Variants in WASHC5 observed in about 807,000 individuals in gnomAD.
WASHC5 encodes WASH complex subunit strumpellin.
WASHC5 carries 101 observed loss-of-function variants against 150.4 expected under a neutral mutation model. That is an observed-to-expected ratio of 0.67 (90% CI 0.57 to 0.79). The LOEUF is 0.79. Among genes scored for constraint, WASHC5 ranks in the 30% least tolerant of loss-of-function variants. The probability of loss-of-function intolerance (pLI) is 0.00; values close to 1 mark genes in which losing one functional copy is unlikely to be tolerated. For missense variants in WASHC5, 1,195 were observed against 1,396.3 expected (o/e 0.86, Z 2.30); for synonymous variants, 467 against 491.2 (o/e 0.95, Z 0.65).
chr8:125,083,326 C>T (rs1394730192), intron 2 of WASHC5, 68 bp from the exon 3 acceptor site: 1 of 1,475,218 alleles, frequency 6.8e-7, no homozygotes, highest in Non-Finnish European at 9.4e-7. Context: ...TCTAAATAGT[C>T]TTTTAAAAAT....
At chr8:125,037,491 T>C (rs1006315926) in intron 25 of WASHC5, among the ~76,000 whole-genome samples, 158 bp from the exon 26 acceptor site, 7 of 152,240 alleles carry the variant, frequency 4.6e-5, no homozygotes, top group Admixed American at 4.6e-4. Context: ...CAGAGTTTTA[T>C]TTAACACACC....
intron 6 of WASHC5, among the ~76,000 whole-genome samples, chr8:125,077,674 G>A (rs749867645): frequency 2.0e-5 from 3 of 152,188 alleles, no homozygotes; most frequent in Non-Finnish European, 2.9e-5. Context: ...CTGCTACTTA[G>A]TAACAGGAAT....
chr8:125,046,383 G>A (rs1444406668), intron 20 of WASHC5, among the ~76,000 whole-genome samples: 1 of 152,178 alleles, frequency 6.6e-6, no homozygotes, highest in Non-Finnish European at 1.5e-5. Flanking sequence ...ATTCTCAGGA[G>A]CAGTTTTAAT....
At chr8:125,086,075 G>A (rs1027256692) in intron 1 of WASHC5, among the ~76,000 whole-genome samples, 1 of 152,132 alleles carries the variant, frequency 6.6e-6, no homozygotes, top group Non-Finnish European at 1.5e-5. Flanking sequence ...GTGAAGGGCT[G>A]AACCTTATTT....
At chr8:125,043,785 A>C in intron 23 of WASHC5, 40 bp downstream of exon 23, 1 of 1,395,054 alleles carries the variant, frequency 7.2e-7, no homozygotes. Flanking sequence ...AAATTTAAAA[A>C]TGTAAGTATT....
rs912903114 is a variant in WASHC5, at chr8:125,037,313, G to A, written c.3105C>T (p.Arg1035=). The change falls in exon 26 of 29, where the codon CGC becomes CGT. Residue 1035 remains arginine (R), a synonymous_variant. Coordinates refer to ENST00000318410, the MANE Select transcript of WASHC5 (RefSeq NM_014846.4). ...PLNKIYITTK[R]LPYFPIVNFL... ...AGTTTACAATTGGAAAATAGGGTAA[G>A]CGCTTTGTTGTTATGTATATCTGGA... The A allele has an allele frequency of 6.2e-7, 1 of 1,609,052 alleles. No homozygotes were observed. The highest frequency in any genetic ancestry group is 2.2e-5 in the East Asian group (1 of 44,768).
At chr8:125,078,615 T>C (rs1586384182) in intron 6 of WASHC5, 123 bp downstream of exon 6, 1 of 800,342 alleles carries the variant, frequency 1.2e-6, no homozygotes, top group East Asian at 2.7e-5. Context: ...GCTCAAAAGG[T>C]TTTAAAAGGT....
chr8:125,089,735 G>A (rs974672718), intron 1 of WASHC5, among the ~76,000 whole-genome samples: 32 of 152,182 alleles, frequency 2.1e-4, no homozygotes, highest in African/African-American at 6.0e-4. Context: ...CTGGGATAAC[G>A]ACAGAGATCA....
chr8:125,056,939 T>C, intron 15 of WASHC5, 122 bp from the exon 16 acceptor site: 1 of 1,114,886 alleles, frequency 9.0e-7, no homozygotes, highest in Non-Finnish European at 1.4e-6. Flanking sequence ...AAGAGCTGTT[T>C]TAATAACTGC....
intron 7 of WASHC5, among the ~76,000 whole-genome samples, chr8:125,075,734 G>A (rs548727214): frequency 1.4e-3 from 207 of 152,226 alleles, no homozygotes; most frequent in African/African-American, 4.7e-3. Context: ...TTCAACAGCC[G>A]ATATAGAAGC....
chr8:125,033,135 C>G (rs927817754), intron 26 of WASHC5, among the ~76,000 whole-genome samples: 1 of 152,098 alleles, frequency 6.6e-6, no homozygotes, highest in Non-Finnish European at 1.5e-5. Context: ...CATGGGAAAC[C>G]AGAGACAGAG....
At chr8:125,071,974 C>T (rs1001066902) in intron 9 of WASHC5, among the ~76,000 whole-genome samples, 4 of 152,134 alleles carry the variant, frequency 2.6e-5, no homozygotes, top group Admixed American at 2.6e-4. Context: ...CAGCAATGGC[C>T]AGTCAGGTTT....
At chr8:125,038,758 C>G in intron 25 of WASHC5, 72 bp downstream of exon 25, 1 of 1,571,640 alleles carries the variant, frequency 6.4e-7, no homozygotes, top group Non-Finnish European at 8.7e-7. Context: ...TATTTCTGCA[C>G]AGTAATCTGT....
intron 10 of WASHC5, among the ~76,000 whole-genome samples, chr8:125,064,884 C>A (rs1816702858): frequency 6.6e-6 from 1 of 152,082 alleles, no homozygotes; most frequent in South Asian, 2.1e-4. Context: ...AGTGATCTGG[C>A]AGAATGACTA....
rs1452697472 is a variant in WASHC5 at position 125,083,884 on chromosome 8, T to C, written c.15A>G (p.Leu5=). Residue 5 remains leucine (L), a synonymous_variant, in exon 2 of 29, where the codon CTA becomes CTG. Transcript: ENST00000318410. MLDF[L]AENNLCGQAI... is the part of the protein sequence containing the mutation. ...CTTGGCCACAGAGGTTGTTCTCGGC[T>C]AGAAAGTCCAACATTGTGAGGCGGA... 2.5e-6 allele frequency: 4 copies of C among 1,613,792 alleles called. No homozygotes were observed. Among genetic ancestry groups the C allele is most frequent in the African/African-American group, 2.7e-5 (2 of 74,918 alleles).
intron 17 of WASHC5, among the ~76,000 whole-genome samples, chr8:125,051,558 G>A (rs1816238069): frequency 6.6e-6 from 1 of 152,212 alleles, no homozygotes; most frequent in Non-Finnish European, 1.5e-5. Flanking sequence ...GAAGGTGAAA[G>A]GCCCTATGTT....
intron 5 of WASHC5, 31 bp from the exon 6 acceptor site, chr8:125,078,961 C>A (rs986845076): frequency 3.8e-6 from 6 of 1,568,502 alleles, no homozygotes; most frequent in Non-Finnish European, 5.3e-6. Context: ...GAAACAAAGA[C>A]CCAAAACACA....
At chr8:125,076,735 G>A (rs1213719571) in intron 6 of WASHC5, among the ~76,000 whole-genome samples, 1 of 97,020 alleles carries the variant, frequency 1.0e-5, no homozygotes, top group Non-Finnish European at 1.8e-5. Flanking sequence ...GCAATTCTAA[G>A]TCTTTTCTTA....
At chr8:125,026,882 A>C (rs1030357856) in intron 28 of WASHC5, among the ~76,000 whole-genome samples, 1 of 152,120 alleles carries the variant, frequency 6.6e-6, no homozygotes, top group African/African-American at 2.4e-5. Flanking sequence ...CATTTTAAAA[A>C]ATATATTCTT....
Sources: allele counts gnomAD v4.1 joint callset (sites outside exome capture counted in the v4.1 genomes callset), GRCh38; gene constraint gnomAD v4.1.1; transcripts MANE v1.5; gene names NCBI Gene and HGNC (gene_info 2026-07-23, HGNC 2026-07-21).